Variants in EHBP1 observed in about 807,000 individuals in gnomAD.
The protein encoded by EHBP1 is EH domain-binding protein 1.
EHBP1 carries 55 observed loss-of-function variants against 144.0 expected under a neutral mutation model. The ratio of observed to expected loss-of-function variants is 0.38; its 90% CI spans 0.31 to 0.48. The LOEUF is 0.48. Ranked by LOEUF, EHBP1 falls within the 20% of genes least tolerant of loss-of-function variation. EHBP1 has a pLI of 0.98. For synonymous variants in EHBP1, 469 were observed against 472.7 expected (o/e 0.99, Z 0.10); for missense variants, 1,200 against 1,364.2 (o/e 0.88, Z 1.90).
chr2:62,725,673 G>T (rs2036704374), intron 2 of EHBP1, among the ~76,000 whole-genome samples: 1 of 152,204 alleles, frequency 6.6e-6, no homozygotes, highest in Admixed American at 6.5e-5. Flanking sequence ...TATGGTTGGT[G>T]GAGGATGGGG....
chr2:62,834,032 A>T (rs1297732700), intron 7 of EHBP1, among the ~76,000 whole-genome samples: 4 of 152,240 alleles, frequency 2.6e-5, no homozygotes, highest in Non-Finnish European at 5.9e-5. Flanking sequence ...CAAGAGGATC[A>T]GCATTGGAAG....
chr2:62,833,126 G>A (rs1315779216), intron 7 of EHBP1, among the ~76,000 whole-genome samples: 1 of 152,220 alleles, frequency 6.6e-6, no homozygotes, highest in Non-Finnish European at 1.5e-5. Flanking sequence ...ACCAGCCATA[G>A]CATTCCCTTA....
chr2:62,980,085 T>G (rs541459424), intron 15 of EHBP1, among the ~76,000 whole-genome samples: 7 of 152,154 alleles, frequency 4.6e-5, no homozygotes, highest in Non-Finnish European at 8.8e-5. Flanking sequence ...AAGATCACTC[T>G]GAAGAGTAGG....
intron 10 of EHBP1, among the ~76,000 whole-genome samples, chr2:62,935,951 A>G (rs571651238): frequency 2.6e-4 from 40 of 152,330 alleles, no homozygotes; most frequent in African/African-American, 7.9e-4. Context: ...CTCAATAGAT[A>G]TGCTAACATT....
chr2:62,786,080 T>C (rs2042783705), intron 5 of EHBP1, among the ~76,000 whole-genome samples: 1 of 152,226 alleles, frequency 6.6e-6, no homozygotes, highest in African/African-American at 2.4e-5. Flanking sequence ...GATAATTTTC[T>C]GCCACTTGTG....
chr2:62,712,628 A>G (rs981828023), intron 2 of EHBP1, among the ~76,000 whole-genome samples: 7 of 152,216 alleles, frequency 4.6e-5, no homozygotes, highest in Admixed American at 4.6e-4. Context: ...GCAAATGTGC[A>G]GGAGTGGTTT....
Position 62,843,606 on chromosome 2 carries a change from G to A in EHBP1, c.634+12448G>A, listed in dbSNP as rs373144967. On this transcript the variant is annotated intron_variant, in intron 7 of 22. Coordinates refer to ENST00000431489, the MANE Select transcript of EHBP1 (RefSeq NM_001142616.3). ...TATGGTAACCTAAATTAATAGCACA[G>A]CATATTATGGCAGTTGTTTGGCTTT... Among the ~76,000 whole-genome samples, 8 of 152,212 alleles carry A rather than the reference G, an allele frequency of 5.3e-5. No homozygotes were observed. In the East Asian group the frequency reaches 1.5e-3, roughly 29 times the overall value.
intron 10 of EHBP1, among the ~76,000 whole-genome samples, chr2:62,921,416 G>A (rs1367993482): frequency 6.6e-6 from 1 of 151,480 alleles, no homozygotes; most frequent in East Asian, 1.9e-4. Flanking sequence ...CTGCACTCCA[G>A]CCTAGGAGAC....
chr2:62,912,651 T>C (rs770905534), intron 10 of EHBP1, among the ~76,000 whole-genome samples: 1 of 152,228 alleles, frequency 6.6e-6, no homozygotes, highest in Non-Finnish European at 1.5e-5. Flanking sequence ...TTCCTGTGTA[T>C]CTACAGTTAA....
chr2:62,783,666 G>A (rs1573329643), intron 5 of EHBP1, among the ~76,000 whole-genome samples: 2 of 152,352 alleles, frequency 1.3e-5, no homozygotes, highest in South Asian at 2.1e-4. Flanking sequence ...GGGACACAGG[G>A]CACCAAGTCC....
rs2040348108 is a variant in EHBP1 at position 62,756,988 on chromosome 2, CGTTAAATCTAAAGA to C, written c.163-7277_163-7264del. Among the ~76,000 whole-genome samples, 6 of 152,238 alleles carry C rather than the reference CGTTAAATCTAAAGA, an allele frequency of 3.9e-5. No homozygotes were observed. The South Asian group carries it at 1.2e-3, about 32-fold the overall frequency. ...CAGCTGCTAAGTTAGGTATCAGTTA[CGTTAAATCTAAAGA>C]CTAGAACCACTTTTTATTGTGAAAG... On this transcript the variant is annotated intron_variant, in intron 3 of 22. Coordinates refer to ENST00000431489, the MANE Select transcript of EHBP1 (RefSeq NM_001142616.3).
At chr2:62,675,116 G>C (rs955423686) in intron 1 of EHBP1, among the ~76,000 whole-genome samples, 1 of 152,308 alleles carries the variant, frequency 6.6e-6, no homozygotes. Context: ...GAGATTTCTG[G>C]TGCTGAAGAA....
At chr2:62,968,716 G>A (rs1030657687) in intron 14 of EHBP1, among the ~76,000 whole-genome samples, 3 of 152,074 alleles carry the variant, frequency 2.0e-5, no homozygotes, top group African/African-American at 7.2e-5. Context: ...TTTTTGCTGA[G>A]AAAGATGTAT....
At chr2:62,753,082 G>GT (rs1258684124) in intron 3 of EHBP1, among the ~76,000 whole-genome samples, 2 of 152,184 alleles carry the variant, frequency 1.3e-5, no homozygotes, top group African/African-American at 4.8e-5. Flanking sequence ...AGTTGATGCA[G>GT]TTTCTTCCTA....
chr2:62,751,806 T>A (rs1341803029), intron 3 of EHBP1, among the ~76,000 whole-genome samples: 1 of 152,224 alleles, frequency 6.6e-6, no homozygotes, highest in Non-Finnish European at 1.5e-5. Context: ...TGGTAGTTTG[T>A]ATTTTTATGG....
At chr2:62,944,688 C>A (rs1472010708) in intron 12 of EHBP1, among the ~76,000 whole-genome samples, 1 of 152,130 alleles carries the variant, frequency 6.6e-6, no homozygotes, top group Non-Finnish European at 1.5e-5. Flanking sequence ...AAGGGGATAT[C>A]GATCCTTTCA....
At chr2:62,771,583 A>G (rs916917048) in intron 5 of EHBP1, 191 bp downstream of exon 5, 3 of 462,148 alleles carry the variant, frequency 6.5e-6, no homozygotes, top group Admixed American at 4.0e-5. Context: ...GCTTTTATTA[A>G]CACTGTAAGT....
chr2:62,756,011 C>G (rs1047973153), intron 3 of EHBP1, among the ~76,000 whole-genome samples: 2 of 151,686 alleles, frequency 1.3e-5, no homozygotes, highest in Non-Finnish European at 2.9e-5. Flanking sequence ...TGGTGCTTCA[C>G]GCCTGTAACC....
chr2:62,868,778 T>A (rs188027612), intron 9 of EHBP1, among the ~76,000 whole-genome samples: 1 of 151,874 alleles, frequency 6.6e-6, no homozygotes, highest in Non-Finnish European at 1.5e-5. Flanking sequence ...CAAGAGTCTA[T>A]CTCTTAAAAA....
Sources: allele counts gnomAD v4.1 joint callset (sites outside exome capture counted in the v4.1 genomes callset), GRCh38; gene constraint gnomAD v4.1.1; transcripts MANE v1.5; gene names NCBI Gene and HGNC (gene_info 2026-07-23, HGNC 2026-07-21).